The following OSMR variants were observed in gnomAD, a reference collection of about 807,000 sequenced individuals.
The protein encoded by OSMR is oncostatin M receptor.
A neutral mutation model predicts 99.9 loss-of-function variants in OSMR; 81 were observed. The ratio of observed to expected loss-of-function variants is 0.81; its 90% CI spans 0.68 to 0.97. The LOEUF (loss-of-function observed/expected upper bound fraction) is 0.97, where lower values mean the gene tolerates loss of function less well. Ranked by LOEUF, OSMR falls within the 50% of genes least tolerant of loss-of-function variation. The probability of loss-of-function intolerance (pLI) is 0.00; values close to 1 mark genes in which losing one functional copy is unlikely to be tolerated. For synonymous variants in OSMR, 406 were observed against 410.4 expected, an observed-to-expected ratio of 0.99 and a Z score of 0.13; for missense variants, 1,099 against 1,153.4, an observed-to-expected ratio of 0.95 and a Z score of 0.68.
At chr5:38,944,972 C>T (rs1161028536) in exon 3 of OSMR, 1 of 1,614,006 alleles carries the variant, frequency 6.2e-7, no homozygotes, top group Non-Finnish European at 8.5e-7. Context: ...CACCCCATCA[C>T]TGCATCCAGA....
intron 1 of OSMR, among the ~76,000 whole-genome samples, chr5:38,862,432 C>A (rs569393608): frequency 6.7e-6 from 1 of 149,614 alleles, no homozygotes; most frequent in Admixed American, 6.6e-5. Context: ...ACCCCCCCAC[C>A]TCCCTCCCGG....
chr5:38,885,595 C>G lies in OSMR; in HGVS notation c.839+111C>G, dbSNP rs1579707023. 10 of 1,382,556 alleles carry G rather than the reference C, an allele frequency of 7.2e-6. No individual in the cohort carries two copies. In the East Asian group the frequency reaches 2.3e-4, roughly 32 times the overall value. 85.6% of individuals were successfully genotyped at this position (1,382,556 alleles called of 1,614,324 possible). Reference sequence around the variant, plus strand: ...TTGCAGGAAATTTGAACAAATATTTCAGAACCACCTGCCAAGGTCAAGAGG... The same window carrying G: ...TTGCAGGAAATTTGAACAAATATTTGAGAACCACCTGCCAAGGTCAAGAGG... On this transcript the variant is annotated intron_variant, in intron 6 of 17. Transcript: ENST00000274276.
chr5:38,883,686 T>A lies in OSMR; in HGVS notation c.419-141T>A. On this transcript the variant is annotated intron_variant, in intron 4 of 17. Coordinates refer to ENST00000274276, the MANE Select transcript of OSMR (RefSeq NM_003999.3). ...TCTTGCATGCACCAGAGGGTAGAGGTTTGGCAGAGAAATTTAGGTTGCTAT... is the reference window on the plus strand; with the variant it reads ...TCTTGCATGCACCAGAGGGTAGAGGATTGGCAGAGAAATTTAGGTTGCTAT... The A allele has an allele frequency of 2.6e-6, 4 of 1,532,772 alleles. No individual in the cohort carries two copies. The South Asian group carries it at 3.6e-5, about 14-fold the overall frequency. 94.9% of individuals were successfully genotyped at this position (1,532,772 alleles called of 1,614,324 possible). A position where few individuals can be genotyped will look rare whatever the true frequency, so the allele number is the denominator to read the frequency against.
chr5:38,912,052 G>A (rs1166437249), intron 9 of OSMR, among the ~76,000 whole-genome samples: 4 of 151,844 alleles, frequency 2.6e-5, no homozygotes, highest in Admixed American at 6.6e-5. Flanking sequence ...AATATTGGAA[G>A]TCCTAGCCAG....
intron 1 of OSMR, among the ~76,000 whole-genome samples, chr5:38,851,011 C>G (rs928438241): frequency 6.6e-6 from 1 of 152,160 alleles, no homozygotes; most frequent in Non-Finnish European, 1.5e-5. Flanking sequence ...CAGAAAAACA[C>G]GGCATCCTCC....
At chr5:38,867,542 CCTGA>C (rs1290873322) in intron 1 of OSMR, among the ~76,000 whole-genome samples, 1 of 152,166 alleles carries the variant, frequency 6.6e-6, no homozygotes, top group Non-Finnish European at 1.5e-5. Flanking sequence ...CAGTGCTTCC[CCTGA>C]CTAACACATT....
chr5:38,873,235 G>T (rs1391100837), intron 2 of OSMR, among the ~76,000 whole-genome samples: 1 of 152,174 alleles, frequency 6.6e-6, no homozygotes, highest in Non-Finnish European at 1.5e-5. Context: ...CATGATGTTT[G>T]TGAGGTTAAT....
intron 1 of OSMR, among the ~76,000 whole-genome samples, chr5:38,854,281 C>T (rs866756766): frequency 2.6e-5 from 4 of 152,260 alleles, no homozygotes; most frequent in Non-Finnish European, 4.4e-5. Flanking sequence ...ACTCTTATCA[C>T]GCTGCTTCTC....
At chr5:38,866,374 A>T (rs1398880900) in intron 1 of OSMR, among the ~76,000 whole-genome samples, 1 of 152,098 alleles carries the variant, frequency 6.6e-6, no homozygotes, top group East Asian at 1.9e-4. Flanking sequence ...GGCAGCCCTG[A>T]TGCTGGAGGT....
downstream of OSMR, chr5:38,939,498 T>C (rs1747305492): frequency 4.3e-6 from 1 of 231,912 alleles, no homozygotes; most frequent in African/African-American, 2.2e-5. Context: ...GAAATAAAAG[T>C]ATAGGAAATT....
In OSMR at chr5:38,868,904, A is replaced by T; in HGVS notation, c.-13-128A>T. The T allele has an allele frequency of 1.4e-5, 15 of 1,052,248 alleles. 1 individual carries two copies. In the South Asian group the frequency reaches 2.4e-4, roughly 17 times the overall value. 65.2% of individuals were successfully genotyped at this position (1,052,248 alleles called of 1,614,324 possible). The stretch of plus-strand genomic sequence containing the variant: ...GGGGACTCTAAAGTACCATGACAAG[A>T]GGCATGGATACAGGGAAGGGAGAAG... On this transcript the variant is annotated intron_variant, in intron 1 of 17. Coordinates refer to ENST00000274276, the MANE Select transcript of OSMR (RefSeq NM_003999.3).
intron 1 of OSMR, chr5:38,942,363 C>G: frequency 6.3e-7 from 1 of 1,592,612 alleles, no homozygotes; most frequent in Non-Finnish European, 8.6e-7. Flanking sequence ...AACACAGCCT[C>G]TGCTTCTTCA....
At chr5:38,885,262 T>A (rs1743622242) in intron 5 of OSMR, 87 bp from the exon 6 acceptor site, 1 of 1,593,648 alleles carries the variant, frequency 6.3e-7, no homozygotes, top group Non-Finnish European at 8.5e-7. Context: ...AGTAACTCTG[T>A]GGCTTCAGAC....
At chr5:38,915,629 ACT>A (rs1257417579) in intron 9 of OSMR, among the ~76,000 whole-genome samples, 2 of 152,134 alleles carry the variant, frequency 1.3e-5, no homozygotes, top group Admixed American at 6.6e-5. Context: ...AGTGCTACTA[ACT>A]CTCTTAATTA....
At chr5:38,914,407 T>C (rs537542433) in intron 9 of OSMR, among the ~76,000 whole-genome samples, 3 of 152,372 alleles carry the variant, frequency 2.0e-5, no homozygotes, top group South Asian at 2.1e-4. Context: ...GGAACACTTA[T>C]ACACTGTTGG....
chr5:38,861,851 G>A (rs1424816682), intron 1 of OSMR, among the ~76,000 whole-genome samples: 4 of 142,452 alleles, frequency 2.8e-5, no homozygotes, highest in Non-Finnish European at 4.6e-5. Flanking sequence ...CCTCACAGAC[G>A]GGGCGGCTGG....
In OSMR at chr5:38,923,241, C is replaced by G; in HGVS notation, c.1857C>G (p.Tyr619Ter). ...IACLLEKKTGYSQELAPSDNP... is the reference protein window; with the variant it reads ...IACLLEKKTG ...GTTTATTAGAGAAAAAAACAGGATA[C>G]TCTCAGGAACTTGGTAAGTTTAAAG... Residue 619 changes from tyrosine (Y) to a stop codon, truncating the protein, a stop_gained, in exon 13 of 18, where the codon TAC becomes TAG. Transcript: ENST00000274276. LOFTEE classifies it high-confidence loss of function. The G allele has an allele frequency of 6.3e-7, 1 of 1,588,510 alleles. No individual in the cohort carries two copies. The highest frequency in any genetic ancestry group is 8.6e-7 in the Non-Finnish European group (1 of 1,157,026).
chr5:38,861,009 G>A (rs1741242790), intron 1 of OSMR, among the ~76,000 whole-genome samples: 3 of 152,026 alleles, frequency 2.0e-5, no homozygotes, highest in Admixed American at 2.0e-4. Context: ...GGTCCTTCAG[G>A]AGCTATTTTT....
At chr5:38,925,623 T>G (rs1481358320) in intron 15 of OSMR, among the ~76,000 whole-genome samples, 1 of 152,228 alleles carries the variant, frequency 6.6e-6, no homozygotes, top group Non-Finnish European at 1.5e-5. Context: ...TCTGCCTCCC[T>G]CAGTGGCCCT....
Sources: allele counts gnomAD v4.1 joint callset (sites outside exome capture counted in the v4.1 genomes callset), GRCh38; gene constraint gnomAD v4.1.1; transcripts MANE v1.5; gene names NCBI Gene and HGNC (gene_info 2026-07-23, HGNC 2026-07-21).